The following SH3TC1 variants were observed in gnomAD, a reference collection of about 807,000 sequenced individuals.
The protein encoded by SH3TC1 is SH3 domain and tetratricopeptide repeats 1.
Under a neutral mutation model 117.3 loss-of-function variants are expected in SH3TC1, and 135 were observed. The observed-to-expected ratio is 1.15, with a 90% CI of 1.00 to 1.33. The LOEUF (loss-of-function observed/expected upper bound fraction) is 1.33, where lower values mean the gene tolerates loss of function less well. Among genes scored for constraint, SH3TC1 ranks in the 40% most tolerant of loss-of-function variants. The pLI is 0.00. For missense variants in SH3TC1, 2,092 were observed against 1,794.3 expected, an observed-to-expected ratio of 1.17 and a Z score of -3.00; for synonymous variants, 898 against 816.9, an observed-to-expected ratio of 1.10 and a Z score of -1.69.
intron 15 of SH3TC1, chr4:8,235,852 G>A (rs766044589): frequency 2.6e-5 from 10 of 385,424 alleles, no homozygotes; most frequent in Admixed American, 2.1e-4. Flanking sequence ...GAGAGGCACA[G>A]GGACACGTCA....
intron 8 of SH3TC1, among the ~76,000 whole-genome samples, chr4:8,219,046 A>G (rs1353794083): frequency 1.3e-5 from 2 of 152,134 alleles, no homozygotes. Context: ...TTGTGGCTGC[A>G]GAAGGAAAGG....
At chr4:8,218,157 G>A (rs925652508) in intron 7 of SH3TC1, 114 bp from the exon 8 acceptor site, 8 of 640,350 alleles carry the variant, frequency 1.2e-5, no homozygotes, top group Non-Finnish European at 2.2e-5. Context: ...TGTTGGGGGA[G>A]GCGAGGGACC....
In SH3TC1 at chr4:8,210,927, A is replaced by C. The variant is rs961628935; in HGVS notation, c.247+1105A>C. Among the ~76,000 whole-genome samples the C allele has an allele frequency of 6.7e-6, 1 of 150,186 alleles. No individual in the cohort carries two copies. Among genetic ancestry groups the C allele is most frequent in the African/African-American group, 2.5e-5 (1 of 40,506 alleles). ...TTGCTCAAGGGTCCCCTAGCAGAAA[A>C]CTCTCAGGCAGGTGCTTTAAGCTTA... On this transcript the variant is annotated intron_variant, in intron 3 of 17. Transcript: ENST00000245105. The surrounding 1 kb of genome is among the most constrained non-coding windows in gnomAD (Gnocchi z 4.1).
intron 17 of SH3TC1, among the ~76,000 whole-genome samples, 169 bp downstream of exon 17, chr4:8,237,839 C>T (rs1032436530): frequency 6.6e-6 from 1 of 152,160 alleles, no homozygotes; most frequent in South Asian, 2.1e-4. Flanking sequence ...CACAACCCAG[C>T]TCCCGAGCGG....
chr4:8,211,819 A>T (rs1276518580), intron 3 of SH3TC1, among the ~76,000 whole-genome samples: 1 of 152,016 alleles, frequency 6.6e-6, no homozygotes, highest in Admixed American at 6.5e-5. Flanking sequence ...TGGCCCCTGA[A>T]TGGGACACAG....
intron 13 of SH3TC1, 169 bp from the exon 14 acceptor site, chr4:8,233,194 T>G: frequency 7.1e-7 from 1 of 1,403,810 alleles, no homozygotes; most frequent in Non-Finnish European, 9.2e-7. Context: ...CCTTGCCGTG[T>G]GTGTTCAACC....
Position 8,219,380 on chromosome 4 carries a change from C to T in SH3TC1, c.962C>T (p.Pro321Leu), listed in dbSNP as rs200118219. ...SALADFQGSG[P>L]EEMTFRGGDL... The stretch of plus-strand genomic sequence containing the variant: ...TTGGCAGACTTCCAGGGCTCGGGGC[C>T]CGAAGAGATGACCTTCCGAGGTGGC... Residue 321 changes from proline (P) to leucine (L), a missense_variant, in exon 9 of 18, where the codon CCC (proline) becomes CTC (leucine). By Grantham distance (98) the Pro-to-Leu change is moderately conservative (BLOSUM62 -3). Coordinates refer to ENST00000245105, the MANE Select transcript of SH3TC1 (RefSeq NM_018986.5). The T allele has an allele frequency of 6.2e-7, 1 of 1,608,712 alleles. No individual in the cohort carries two copies. Among genetic ancestry groups the T allele is most frequent in the African/African-American group, 1.3e-5 (1 of 74,934 alleles).
Position 8,227,992 on chromosome 4 carries a change from C to T in SH3TC1, c.2298C>T (p.Ser766=). Residue 766 remains serine, a synonymous_variant, in exon 12 of 18, where the codon TCC becomes TCT. Transcript: ENST00000245105. ...PQPHSLPAQT[S]HYLRQALASL... is the part of the protein sequence containing the mutation. ...CCCACAGCCTCCCTGCCCAAACTTC[C>T]CACTACCTCAGGCAAGCGCTGGCCT... The T allele has an allele frequency of 1.2e-6, 2 of 1,612,290 alleles. No homozygotes were observed. Among genetic ancestry groups the T allele is most frequent in the Non-Finnish European group, 1.7e-6 (2 of 1,179,706 alleles).
chr4:8,211,765 A>C (rs1314571290), intron 3 of SH3TC1, among the ~76,000 whole-genome samples: 2 of 151,972 alleles, frequency 1.3e-5, no homozygotes, highest in East Asian at 3.9e-4. Flanking sequence ...TCAGACATTG[A>C]GGAGGGGGCT....
Position 8,227,545 on chromosome 4 carries a change from G to A in SH3TC1, c.1851G>A (p.Arg617=). 1 of 1,530,806 alleles carries A rather than the reference G, an allele frequency of 6.5e-7. No individual in the cohort carries two copies. Among genetic ancestry groups the A allele is most frequent in the East Asian group, 2.3e-5 (1 of 44,312 alleles). The allele number at this position is 1,530,806 out of a possible 1,614,324, so 94.8% of individuals were successfully genotyped here. A position where few individuals can be genotyped will look rare whatever the true frequency, so the allele number is the denominator to read the frequency against. ...GCATTTACCGGAAGCAGAAGAACCGGGAGAAGTGTGCACAGGTGGTGCCCA... is the reference window on the plus strand; with the variant it reads ...GCATTTACCGGAAGCAGAAGAACCGAGAGAAGTGTGCACAGGTGGTGCCCA... ...LASIYRKQKN[R]EKCAQVVPKA... Residue 617 remains arginine, a synonymous_variant, in exon 12 of 18, where the codon CGG becomes CGA. Transcript: ENST00000245105.
chr4:8,233,122 G>A (rs1330657326), intron 13 of SH3TC1: 10 of 1,348,314 alleles, frequency 7.4e-6, no homozygotes, highest in South Asian at 1.7e-5. Flanking sequence ...GGACTAGCAC[G>A]CTCCCCCAGC....
At chr4:8,184,771 T>C (rs1345792582) in intron 1 of SH3TC1, among the ~76,000 whole-genome samples, 2 of 152,176 alleles carry the variant, frequency 1.3e-5, no homozygotes, top group Middle Eastern at 3.2e-3. Flanking sequence ...TTCCTCTCAC[T>C]TCAGTGAGAT....
chr4:8,220,413 G>A (rs760985217), intron 9 of SH3TC1, among the ~76,000 whole-genome samples: 4 of 151,092 alleles, frequency 2.6e-5, no homozygotes, highest in Non-Finnish European at 4.4e-5. Flanking sequence ...CTGGCCATAC[G>A]CCTCTTCCTA....
intron 6 of SH3TC1, among the ~76,000 whole-genome samples, chr4:8,216,622 G>A (rs73079740): frequency 1.3e-3 from 195 of 152,348 alleles, no homozygotes; most frequent in African/African-American, 4.5e-3. Flanking sequence ...GCAGGAGGGG[G>A]CCTGCCAGCA....
In SH3TC1 at chr4:8,227,719, C is replaced by A. The variant is rs200155873; in HGVS notation, c.2025C>A (p.His675Gln). Residue 675 changes from histidine (H) to glutamine (Q), a missense_variant, in exon 12 of 18, where the codon CAC becomes CAA. His to Gln is a conservative substitution (Grantham distance 24). Coordinates refer to ENST00000245105, the MANE Select transcript of SH3TC1 (RefSeq NM_018986.5). The stretch of plus-strand genomic sequence containing the variant: ...CCTGCTTCCTGCTGGCCAGGCACCA[C>A]GTGCACCTCAAGCAGCCCGAGGAGG... ...ARACFLLARH[H>Q]VHLKQPEEAL... 7 of 1,583,296 alleles carry A rather than the reference C, an allele frequency of 4.4e-6. No homozygotes were observed. The highest frequency in any genetic ancestry group is 1.7e-4 in the Middle Eastern group (1 of 5,902).
At chr4:8,235,300 C>T in intron 14 of SH3TC1, 133 bp from the exon 15 acceptor site, 1 of 1,148,060 alleles carries the variant, frequency 8.7e-7, no homozygotes, top group Non-Finnish European at 1.1e-6. Context: ...GGCCCTAATG[C>T]ACAGGGTCTG....
chr4:8,232,260 T>A, intron 13 of SH3TC1, 104 bp downstream of exon 13: 1 of 1,389,212 alleles, frequency 7.2e-7, no homozygotes, highest in Non-Finnish European at 9.6e-7. Flanking sequence ...GCCCCTCTCC[T>A]TGGGATCATT....
At position 8,216,127 on chromosome 4, in the gene SH3TC1, C is replaced by A; in HGVS notation, c.498C>A (p.Cys166Ter). The A allele has an allele frequency of 6.2e-7, 1 of 1,613,384 alleles. No homozygotes were observed. Among genetic ancestry groups the A allele is most frequent in the Non-Finnish European group, 8.5e-7 (1 of 1,179,974 alleles). Reference sequence around the variant, plus strand: ...CCTCCACAGGCTTCACTCATCACTGCCTGGCAAACCTGCTCATGGACCAGG... The same window carrying A: ...CCTCCACAGGCTTCACTCATCACTGACTGGCAAACCTGCTCATGGACCAGG... ...TYHALGFTHH[C>*]LANLLMDQAF... Residue 166 changes from cysteine to a stop codon, truncating the protein, a stop_gained, in exon 6 of 18, where the codon TGC becomes TGA. Coordinates refer to ENST00000245105, the MANE Select transcript of SH3TC1 (RefSeq NM_018986.5). LOFTEE classifies it high-confidence loss of function.
In SH3TC1 at chr4:8,232,062, C is replaced by T. The variant is rs754185308; in HGVS notation, c.3037C>T (p.Gln1013Ter). Residue 1013 changes from glutamine (Q) to a stop codon, truncating the protein, a stop_gained, in exon 13 of 18, where the codon CAG (glutamine) becomes TAG (stop). Coordinates refer to ENST00000245105, the MANE Select transcript of SH3TC1 (RefSeq NM_018986.5). LOFTEE classifies it high-confidence loss of function. ...CCAGTGTGTCATCTACCATGAGCTC[C>T]AGCTCTCCCTGGCCTGCAAGGTGGC... is the stretch of plus-strand genomic sequence containing the variant. ...EAQCVIYHEL[Q>*]LSLACKVADK... 1.1e-5 allele frequency: 18 copies of T among 1,613,554 alleles called. No individual in the cohort carries two copies. In the East Asian group the frequency reaches 2.5e-4, roughly 22 times the overall value.
Sources: allele counts gnomAD v4.1 joint callset (sites outside exome capture counted in the v4.1 genomes callset), GRCh38; gene constraint gnomAD v4.1.1; non-coding constraint Gnocchi (gnomAD v3.1); transcripts MANE v1.5; gene names NCBI Gene and HGNC (gene_info 2026-07-23, HGNC 2026-07-21).